The following STXBP5L variants were observed in gnomAD, a reference collection of about 807,000 sequenced individuals.
STXBP5L encodes syntaxin-binding protein 5-like.
A neutral mutation model predicts 144.5 loss-of-function variants in STXBP5L; 65 were observed. The observed-to-expected ratio is 0.45, with a 90% CI of 0.37 to 0.55. The LOEUF (loss-of-function observed/expected upper bound fraction) is 0.55, where lower values mean the gene tolerates loss of function less well. Among genes scored for constraint, STXBP5L ranks in the 20% least tolerant of loss-of-function variants. The probability of loss-of-function intolerance (pLI) is 0.00; values close to 1 mark genes in which losing one functional copy is unlikely to be tolerated. For synonymous variants in STXBP5L, 505 were observed against 469.6 expected, an observed-to-expected ratio of 1.08 and a Z score of -0.97; for missense variants, 1,298 against 1,405.5, an observed-to-expected ratio of 0.92 and a Z score of 1.22.
intron 4 of STXBP5L, among the ~76,000 whole-genome samples, chr3:121,042,461 T>G (rs1947227364): frequency 1.3e-5 from 2 of 152,166 alleles, no homozygotes; most frequent in African/African-American, 4.8e-5. Flanking sequence ...TCTTTTATAT[T>G]AAGTGAGCCA....
intron 5 of STXBP5L, among the ~76,000 whole-genome samples, chr3:121,080,772 C>A (rs969493557): frequency 2.0e-5 from 3 of 152,134 alleles, no homozygotes; most frequent in African/African-American, 7.2e-5. Flanking sequence ...TCTTAAGATT[C>A]TTTTCTCCAT....
chr3:120,962,720 A>G (rs1939010039), intron 3 of STXBP5L, among the ~76,000 whole-genome samples: 2 of 152,204 alleles, frequency 1.3e-5, no homozygotes. Flanking sequence ...TGATGGCTCC[A>G]GCTTTGTTCA....
intron 2 of STXBP5L, among the ~76,000 whole-genome samples, chr3:120,928,719 T>C (rs1448790327): frequency 6.6e-6 from 1 of 151,858 alleles, no homozygotes. Flanking sequence ...AAGTTGTTGA[T>C]GGTGTCAGTG....
chr3:121,282,355 T>C (rs979152405), intron 19 of STXBP5L: 41 of 1,606,696 alleles, frequency 2.6e-5, no homozygotes, highest in Non-Finnish European at 3.4e-5. Context: ...ATATAAAGGT[T>C]AGGCAAATAG....
intron 3 of STXBP5L, among the ~76,000 whole-genome samples, chr3:120,983,052 G>T (rs1317257105): frequency 3.9e-5 from 6 of 152,182 alleles, no homozygotes; most frequent in African/African-American, 1.2e-4. Flanking sequence ...GCAGGCAGCT[G>T]TGATACACAT....
At chr3:121,398,519 T>C (rs2046790923) in intron 22 of STXBP5L, among the ~76,000 whole-genome samples, 1 of 152,272 alleles carries the variant, frequency 6.6e-6, no homozygotes, top group African/African-American at 2.4e-5. Context: ...GTGACACTGC[T>C]TAGCCCAATG....
intron 20 of STXBP5L, among the ~76,000 whole-genome samples, chr3:121,341,229 C>T (rs1047977638): frequency 9.2e-5 from 14 of 152,080 alleles, no homozygotes; most frequent in African/African-American, 2.7e-4. Context: ...CAACATAAGA[C>T]ATATTTTGAC....
At chr3:121,189,820 C>T (rs779205158) in intron 9 of STXBP5L, among the ~76,000 whole-genome samples, 12 of 151,690 alleles carry the variant, frequency 7.9e-5, no homozygotes, top group African/African-American at 1.2e-4. Flanking sequence ...GAATAATTTG[C>T]GTGTGAATAA....
chr3:121,203,440 T>C (rs1048432458), intron 9 of STXBP5L, among the ~76,000 whole-genome samples: 2 of 152,182 alleles, frequency 1.3e-5, no homozygotes, highest in African/African-American at 4.8e-5. Flanking sequence ...ACTTATTTTT[T>C]AATACAGTGA....
intron 3 of STXBP5L, among the ~76,000 whole-genome samples, chr3:121,013,327 C>A (rs7613240): frequency 6.6e-6 from 1 of 151,940 alleles, no homozygotes; most frequent in African/African-American, 2.4e-5. Flanking sequence ...TATAAGTGTT[C>A]CCTTTTCTTG....
chr3:121,030,637 C>G (rs998782110), intron 3 of STXBP5L, among the ~76,000 whole-genome samples: 1 of 152,034 alleles, frequency 6.6e-6, no homozygotes, highest in South Asian at 2.1e-4. Flanking sequence ...ATGTAACAAA[C>G]CAGCACGTTC....
intron 2 of STXBP5L, among the ~76,000 whole-genome samples, chr3:120,952,814 G>A (rs114293349): frequency 0.015 from 2,256 of 151,882 alleles, 26 homozygotes; most frequent in Middle Eastern, 0.024. Flanking sequence ...AATTTTTTCC[G>A]TATAGTTTCT....
intron 20 of STXBP5L, among the ~76,000 whole-genome samples, chr3:121,340,738 G>T (rs2044679229): frequency 6.6e-6 from 1 of 152,004 alleles, no homozygotes; most frequent in South Asian, 2.1e-4. Context: ...TTTGCGGTGT[G>T]TAAATTGCTC....
chr3:121,213,763 G>C (rs1193338783), intron 10 of STXBP5L, among the ~76,000 whole-genome samples: 3 of 152,162 alleles, frequency 2.0e-5, no homozygotes, highest in Admixed American at 1.3e-4. Flanking sequence ...TTTTTCTATT[G>C]TTTGGAATAG....
At chr3:121,043,182 G>C (rs1281471791) in intron 4 of STXBP5L, among the ~76,000 whole-genome samples, 1 of 152,044 alleles carries the variant, frequency 6.6e-6, no homozygotes, top group Non-Finnish European at 1.5e-5. Context: ...CAAAGCTGCT[G>C]TATCTTTTCC....
At chr3:121,086,618 G>A (rs1487055124) in intron 5 of STXBP5L, among the ~76,000 whole-genome samples, 3 of 152,042 alleles carry the variant, frequency 2.0e-5, no homozygotes, top group Non-Finnish European at 2.9e-5. Context: ...AAGTGTTTTG[G>A]ATTTTAGATT....
At chr3:120,953,892 C>A (rs1937727424) in intron 2 of STXBP5L, among the ~76,000 whole-genome samples, 1 of 151,998 alleles carries the variant, frequency 6.6e-6, no homozygotes, top group Non-Finnish European at 1.5e-5. Flanking sequence ...TGATTCCTAA[C>A]CTTAGAAGGA....
At chr3:121,371,953 C>T (rs970384415) in intron 20 of STXBP5L, among the ~76,000 whole-genome samples, 2 of 152,172 alleles carry the variant, frequency 1.3e-5, no homozygotes, top group Non-Finnish European at 2.9e-5. Flanking sequence ...ACAGGGTGCT[C>T]ATGCATATTT....
intron 12 of STXBP5L, among the ~76,000 whole-genome samples, chr3:121,235,356 G>A (rs1380705031): frequency 2.0e-5 from 3 of 151,786 alleles, no homozygotes; most frequent in South Asian, 2.1e-4. Flanking sequence ...TCCCCAACCC[G>A]AAGGCAAGCA....
Sources: gnomAD v4.1 joint callset for allele counts (sites outside exome capture counted in the v4.1 genomes callset) on GRCh38, gnomAD v4.1.1 for gene constraint, MANE v1.5 for transcripts, NCBI Gene and HGNC (gene_info 2026-07-23, HGNC 2026-07-21) for gene names.